The following ARHGAP15 variants were observed in gnomAD, a reference collection of about 807,000 sequenced individuals.
ARHGAP15 encodes the protein rho GTPase-activating protein 15.
In ARHGAP15, 51 loss-of-function variants were observed where a neutral mutation model predicts 63.7. The ratio of observed to expected loss-of-function variants is 0.80; its 90% CI spans 0.64 to 1.01. The LOEUF (loss-of-function observed/expected upper bound fraction) is 1.01. ARHGAP15 is among the 50% of genes least tolerant of loss of function. The pLI is 0.00. For missense variants in ARHGAP15, 560 were observed against 564.6 expected, an observed-to-expected ratio of 0.99 and a Z score of 0.08; for synonymous variants, 191 against 193.8, an observed-to-expected ratio of 0.99 and a Z score of 0.12.
chr2:143,493,243 G>A (rs1692666841), intron 9 of ARHGAP15, among the ~76,000 whole-genome samples: 1 of 152,054 alleles, frequency 6.6e-6, no homozygotes, highest in East Asian at 1.9e-4. Flanking sequence ...TTACATTTGA[G>A]GGATATATTA....
At chr2:143,565,732 G>A (rs1382336532) in intron 11 of ARHGAP15, among the ~76,000 whole-genome samples, 1 of 152,168 alleles carries the variant, frequency 6.6e-6, no homozygotes, top group African/African-American at 2.4e-5. Context: ...TATCTTGTTA[G>A]TAATTGAACA....
chr2:143,156,650 A>C (rs896456976), intron 2 of ARHGAP15, among the ~76,000 whole-genome samples: 2 of 151,976 alleles, frequency 1.3e-5, no homozygotes, highest in African/African-American at 4.8e-5. Flanking sequence ...AACCCACAGC[A>C]ATCTCAGGAA....
At chr2:143,393,254 A>T (rs1180275440) in intron 6 of ARHGAP15, among the ~76,000 whole-genome samples, 1 of 152,124 alleles carries the variant, frequency 6.6e-6, no homozygotes, top group African/African-American at 2.4e-5. Context: ...AGGGACTATC[A>T]TTGTTAATAT....
chr2:143,348,359 A>G (rs1685395108), intron 6 of ARHGAP15, among the ~76,000 whole-genome samples: 1 of 152,176 alleles, frequency 6.6e-6, no homozygotes, highest in Non-Finnish European at 1.5e-5. Context: ...CTACTCTGAT[A>G]GCCACACTAT....
At chr2:143,650,261 A>T (rs976053959) in intron 12 of ARHGAP15, among the ~76,000 whole-genome samples, 4 of 151,878 alleles carry the variant, frequency 2.6e-5, no homozygotes, top group Non-Finnish European at 5.9e-5. Context: ...CTGAGGTGGC[A>T]CTATCATTAT....
At chr2:143,478,707 TATAA>T (rs950385733) in intron 8 of ARHGAP15, among the ~76,000 whole-genome samples, 1 of 100,346 alleles carries the variant, frequency 1.0e-5, no homozygotes, top group African/African-American at 2.9e-5. Flanking sequence ...TAGTCATTAT[TATAA>T]ATATGACATT....
At chr2:143,580,116 T>C (rs1412115103) in intron 11 of ARHGAP15, among the ~76,000 whole-genome samples, 1 of 151,748 alleles carries the variant, frequency 6.6e-6, no homozygotes, top group Non-Finnish European at 1.5e-5. Flanking sequence ...TGGCATACTC[T>C]AAAATTGCAG....
intron 2 of ARHGAP15, among the ~76,000 whole-genome samples, chr2:143,181,146 CT>C (rs961374281): frequency 3.3e-5 from 5 of 151,516 alleles, no homozygotes; most frequent in South Asian, 2.1e-4. Context: ...TGAAAGGAAT[CT>C]TTTTTTTTGA....
At chr2:143,637,371 C>G (rs1001356475) in intron 12 of ARHGAP15, among the ~76,000 whole-genome samples, 1 of 151,970 alleles carries the variant, frequency 6.6e-6, no homozygotes, top group South Asian at 2.1e-4. Flanking sequence ...CTCACTTTTA[C>G]CATTTTCTCT....
chr2:143,763,251 G>T (rs1686828202), intron 13 of ARHGAP15, among the ~76,000 whole-genome samples: 1 of 152,110 alleles, frequency 6.6e-6, no homozygotes, highest in Non-Finnish European at 1.5e-5. Context: ...ATTTGAAATT[G>T]TGGTTGATTT....
rs1478125141 is a variant in ARHGAP15, at chr2:143,315,889, A to AAC, written c.474+65289_474+65290insAC. Among the ~76,000 whole-genome samples, 13 of 152,038 alleles carry AAC rather than the reference A, an allele frequency of 8.6e-5. No individual in the cohort carries two copies. In the East Asian group the frequency reaches 2.1e-3, roughly 25 times the overall value. ...CACCTGAAGTCAGGAGTTCAAGATC[A>AAC]GCCTGGCCAACACGGTGAAACTGCG... On this transcript the variant is annotated intron_variant, in intron 6 of 13. Transcript: ENST00000295095.
intron 8 of ARHGAP15, among the ~76,000 whole-genome samples, chr2:143,462,122 T>A (rs1420963525): frequency 2.6e-5 from 4 of 152,096 alleles, no homozygotes; most frequent in Non-Finnish European, 4.4e-5. Context: ...GTCATGCCTC[T>A]GCACTCCAGC....
chr2:143,230,961 G>A (rs1175657663), intron 5 of ARHGAP15, among the ~76,000 whole-genome samples: 1 of 151,970 alleles, frequency 6.6e-6, no homozygotes, highest in East Asian at 1.9e-4. Context: ...AGAATAAATG[G>A]TATTTTAGTC....
rs1292331093 is a variant in ARHGAP15 at position 143,659,686 on chromosome 2, C to T, written c.1138+35419C>T. ...GACATTAAGGAGTTGTCTGCCCTTC[C>T]TAGGCAGGCATGGGTTTATGTGGTA... On this transcript the variant is annotated intron_variant, in intron 12 of 13. Coordinates refer to ENST00000295095, the MANE Select transcript of ARHGAP15 (RefSeq NM_018460.4). 3.3e-5 allele frequency among the ~76,000 whole-genome samples: 5 copies of T among 152,284 alleles called. No individual in the cohort carries two copies. In the East Asian group the frequency reaches 9.7e-4, roughly 29 times the overall value.
chr2:143,515,577 T>A (rs1414403945), intron 9 of ARHGAP15, among the ~76,000 whole-genome samples: 4 of 152,200 alleles, frequency 2.6e-5, no homozygotes, highest in African/African-American at 9.7e-5. Context: ...TTCTTATATA[T>A]CCCTTTCCTT....
chr2:143,586,998 C>A (rs1226306925), intron 11 of ARHGAP15, among the ~76,000 whole-genome samples: 1 of 152,074 alleles, frequency 6.6e-6, no homozygotes, highest in East Asian at 1.9e-4. Context: ...TTTCCTCTTC[C>A]TCCTTCATGC....
intron 4 of ARHGAP15, among the ~76,000 whole-genome samples, chr2:143,228,335 A>T (rs1453712255): frequency 6.6e-6 from 1 of 152,142 alleles, no homozygotes; most frequent in East Asian, 1.9e-4. Flanking sequence ...GTTGAAAAAG[A>T]TATTAGGAGG....
chr2:143,319,057 C>T (rs1183820172), intron 6 of ARHGAP15, among the ~76,000 whole-genome samples: 1 of 152,044 alleles, frequency 6.6e-6, no homozygotes, highest in Admixed American at 6.6e-5. Flanking sequence ...ACCTACTTTT[C>T]CCCTTAATAT....
At chr2:143,683,757 T>C (rs903608380) in intron 12 of ARHGAP15, among the ~76,000 whole-genome samples, 2 of 152,218 alleles carry the variant, frequency 1.3e-5, no homozygotes, top group Non-Finnish European at 2.9e-5. Flanking sequence ...ATATATCTCA[T>C]TTCTATATTT....
Sources: gnomAD v4.1 joint callset for allele counts (sites outside exome capture counted in the v4.1 genomes callset) on GRCh38, gnomAD v4.1.1 for gene constraint, MANE v1.5 for transcripts, NCBI Gene and HGNC (gene_info 2026-07-23, HGNC 2026-07-21) for gene names.